The following YY1 variants were observed in gnomAD, a reference collection of about 807,000 sequenced individuals.
YY1 encodes transcriptional repressor protein YY1.
Under a neutral mutation model 35.6 loss-of-function variants are expected in YY1, and 2 were observed. The ratio of observed to expected loss-of-function variants is 0.06; its 90% CI spans 0.02 to 0.18. The LOEUF (loss-of-function observed/expected upper bound fraction) is 0.18. YY1 is among the 10% of genes least tolerant of loss of function. YY1 has a pLI of 1.00. For missense variants in YY1, 322 were observed against 573.4 expected (o/e 0.56, Z 4.48); for synonymous variants, 268 against 238.9 (o/e 1.12, Z -1.12).
Position 100,239,185 on chromosome 14 carries a change from C to G in YY1, c.-60C>G. On this transcript the variant is annotated 5_prime_UTR_variant, in exon 1 of 5. Coordinates refer to ENST00000262238, the MANE Select transcript of YY1 (RefSeq NM_003403.5). ...TCCCCACGGCCGGCCGCCTCCTCGC[C>G]CGCCCGCCCGCAGCCGAGGAGCCGA... 1 of 1,339,958 alleles carries G rather than the reference C, an allele frequency of 7.5e-7. No individual in the cohort carries two copies. Among genetic ancestry groups the G allele is most frequent in the Non-Finnish European group, 9.5e-7 (1 of 1,052,918 alleles). The allele number at this position is 1,339,958 out of a possible 1,614,324, so 83.0% of individuals were successfully genotyped here.
intron 2 of YY1, among the ~76,000 whole-genome samples, chr14:100,268,438 G>C (rs1176421218): frequency 6.6e-6 from 1 of 152,202 alleles, no homozygotes; most frequent in African/African-American, 2.4e-5. Context: ...AGTGAGTTCT[G>C]TTTCCTGTAA....
intron 1 of YY1, among the ~76,000 whole-genome samples, chr14:100,245,165 T>C (rs917286542): frequency 6.6e-6 from 1 of 151,822 alleles, no homozygotes; most frequent in African/African-American, 2.4e-5. Context: ...CTCGATCTCC[T>C]GACCTCGTGA....
intron 1 of YY1, among the ~76,000 whole-genome samples, chr14:100,260,078 T>TTTTG (rs201681273): frequency 0.028 from 4,217 of 151,984 alleles, 175 homozygotes; most frequent in East Asian, 0.093. Context: ...GACTGGTGTT[T>TTTTG]TTTGTTTGTT....
intron 1 of YY1, among the ~76,000 whole-genome samples, chr14:100,258,604 C>T (rs190879795): frequency 1.9e-4 from 29 of 152,314 alleles, no homozygotes; most frequent in Admixed American, 9.8e-4. Context: ...CCGCCCGCCT[C>T]GGCTTCCCAA....
At chr14:100,250,180 A>G (rs2139575299) in intron 1 of YY1, among the ~76,000 whole-genome samples, 1 of 152,340 alleles carries the variant, frequency 6.6e-6, no homozygotes, top group East Asian at 1.9e-4. Context: ...GAGAAATGTG[A>G]CAAGTTGCCA....
chr14:100,263,888 A>AG (rs1891117894), intron 2 of YY1: 2 of 152,078 alleles, frequency 1.3e-5, no homozygotes, highest in Non-Finnish European at 2.9e-5. Context: ...TGATACATGG[A>AG]GGTTCTCACT....
intron 1 of YY1, among the ~76,000 whole-genome samples, chr14:100,245,036 A>C (rs1318821969): frequency 6.6e-6 from 1 of 151,968 alleles, no homozygotes; most frequent in South Asian, 2.1e-4. Flanking sequence ...TCCCGGGTTC[A>C]CACCATTCTC....
chr14:100,277,007 T>G lies in YY1; in HGVS notation c.1062+359T>G. The G allele has an allele frequency of 2.4e-6, 1 of 408,350 alleles. No homozygotes were observed. Among genetic ancestry groups the G allele is most frequent in the Non-Finnish European group, 4.5e-6 (1 of 220,590 alleles). 25.3% of individuals were successfully genotyped at this position (408,350 alleles called of 1,614,324 possible). A position where few individuals can be genotyped will look rare whatever the true frequency, so the allele number is the denominator to read the frequency against. ...TAGTATAATTACTAACTGATAAAGT[T>G]TCTAGAGTGTAAGTATAGGTAATAC... On this transcript the variant is annotated intron_variant, in intron 4 of 4. Coordinates refer to ENST00000262238, the MANE Select transcript of YY1 (RefSeq NM_003403.5). This position sits in a 1 kb window ranked among gnomAD's most constrained non-coding sequence, Gnocchi z 5.6.
intron 1 of YY1, among the ~76,000 whole-genome samples, chr14:100,253,024 CAG>C (rs1890946891): frequency 2.0e-5 from 3 of 152,244 alleles, no homozygotes; most frequent in African/African-American, 7.2e-5. Context: ...GCCTGGACAA[CAG>C]AGTGAGACCC....
At chr14:100,263,554 A>G (rs1283328924) in intron 2 of YY1, among the ~76,000 whole-genome samples, 2 of 152,202 alleles carry the variant, frequency 1.3e-5, no homozygotes, top group African/African-American at 4.8e-5. Flanking sequence ...ACAAAGATGT[A>G]AACTTTTAAG....
chr14:100,262,264 C>G (rs1362232061), intron 1 of YY1, 40 bp from the exon 2 acceptor site: 1 of 1,608,706 alleles, frequency 6.2e-7, no homozygotes, highest in Non-Finnish European at 8.5e-7. Flanking sequence ...TTTTTAAAAT[C>G]TATTTACTCA....
rs1279755902 is a variant in YY1 at position 100,280,474 on chromosome 14, A to AT, written c.*2877dup. On this transcript the variant is annotated 3_prime_UTR_variant, in exon 5 of 5. Transcript: ENST00000262238. The stretch of plus-strand genomic sequence containing the variant: ...GTGGAGTTGAGAGGGGGAGCATACT[A>AT]TTTGTATAAAGAACTGTCACCCCAG... 1.3e-5 allele frequency: 2 copies of AT among 152,070 alleles called. No homozygotes were observed. Among genetic ancestry groups the AT allele is most frequent in the Non-Finnish European group, 2.9e-5 (2 of 68,010 alleles). The allele number at this position is 152,070 out of a possible 1,614,324, so 9.4% of individuals were successfully genotyped here.
At chr14:100,256,630 A>T (rs182046766) in intron 1 of YY1, among the ~76,000 whole-genome samples, 1 of 152,360 alleles carries the variant, frequency 6.6e-6, no homozygotes, top group African/African-American at 2.4e-5. Context: ...GGTATGAGGT[A>T]CCTGAAATAG....
chr14:100,274,007 G>A (rs558061070), intron 2 of YY1, among the ~76,000 whole-genome samples: 25 of 152,200 alleles, frequency 1.6e-4, no homozygotes, highest in Admixed American at 3.3e-4. Flanking sequence ...CAGAAGTAGG[G>A]TAACAGTATG....
chr14:100,262,556 G>A, intron 2 of YY1, 90 bp downstream of exon 2: 2 of 1,358,778 alleles, frequency 1.5e-6, no homozygotes, highest in East Asian at 4.6e-5. Flanking sequence ...CAAAATGGTG[G>A]TTTGTATTCT....
chr14:100,247,797 A>G (rs1316975132), intron 1 of YY1, among the ~76,000 whole-genome samples: 1 of 152,182 alleles, frequency 6.6e-6, no homozygotes, highest in Non-Finnish European at 1.5e-5. Flanking sequence ...TATCAAGAAC[A>G]GAAAGCCAGC....
intron 1 of YY1, among the ~76,000 whole-genome samples, chr14:100,253,935 G>A (rs920666041): frequency 1.2e-4 from 18 of 152,168 alleles, no homozygotes; most frequent in African/African-American, 4.3e-4. Flanking sequence ...GGTTCTAGCA[G>A]TTCTCCTGCC....
rs550734342 is a variant in YY1 at position 100,281,486 on chromosome 14, T to C, written c.*3886T>C. 1.4e-4 allele frequency: 22 copies of C among 152,288 alleles called. No individual in the cohort carries two copies. Among genetic ancestry groups the C allele is most frequent in the Admixed American group, 1.1e-3 (17 of 15,300 alleles). 9.4% of individuals were successfully genotyped at this position (152,288 alleles called of 1,614,324 possible). ...TTTGTCCTGGATACACTGACAGTAA[T>C]GTGAGCGCAGCACTTCAGAGTTCAG... On this transcript the variant is annotated 3_prime_UTR_variant, in exon 5 of 5. Coordinates refer to ENST00000262238, the MANE Select transcript of YY1 (RefSeq NM_003403.5).
chr14:100,243,644 C>A (rs11847741), intron 1 of YY1, among the ~76,000 whole-genome samples: 95,407 of 151,516 alleles, frequency 0.63, 30,221 homozygotes, highest in South Asian at 0.8. Context: ...AAACAAAAAA[C>A]CCCACAAAAA....
Sources: gnomAD v4.1 joint callset for allele counts (sites outside exome capture counted in the v4.1 genomes callset) on GRCh38, gnomAD v4.1.1 for gene constraint, Gnocchi (gnomAD v3.1) non-coding constraint, MANE v1.5 for transcripts, NCBI Gene and HGNC (gene_info 2026-07-23, HGNC 2026-07-21) for gene names.